The following PLXNA4 variants were observed in gnomAD, a reference collection of about 807,000 sequenced individuals.
PLXNA4 encodes plexin A4, also known as plexin-A4.
In PLXNA4, 44 loss-of-function variants were observed where a neutral mutation model predicts 191.8. The observed-to-expected ratio is 0.23, with a 90% CI of 0.18 to 0.29. The LOEUF (loss-of-function observed/expected upper bound fraction) is 0.29. Ranked by LOEUF, PLXNA4 falls within the 10% of genes least tolerant of loss-of-function variation. The probability of loss-of-function intolerance (pLI) is 1.00; values close to 1 mark genes in which losing one functional copy is unlikely to be tolerated. For missense variants in PLXNA4, 1,800 were observed against 2,488.8 expected (o/e 0.72, Z 5.89); for synonymous variants, 1,082 against 1,009.5 (o/e 1.07, Z -1.36).
At chr7:132,183,817 G>C (rs1048745715) in intron 16 of PLXNA4, among the ~76,000 whole-genome samples, 1 of 152,218 alleles carries the variant, frequency 6.6e-6, no homozygotes, top group Non-Finnish European at 1.5e-5. Flanking sequence ...TGCAGGCAAA[G>C]CCTGTCTTTC....
chr7:132,340,809 C>A (rs1802998899), intron 3 of PLXNA4, among the ~76,000 whole-genome samples: 1 of 152,192 alleles, frequency 6.6e-6, no homozygotes, highest in African/African-American at 2.4e-5. Context: ...TCCTGAGTAG[C>A]TGGGATTACA....
At chr7:132,358,954 G>C (rs1167705878) in intron 3 of PLXNA4, among the ~76,000 whole-genome samples, 1 of 152,144 alleles carries the variant, frequency 6.6e-6, no homozygotes, top group Non-Finnish European at 1.5e-5. Flanking sequence ...GATGCAAGGA[G>C]AATCCACTGA....
chr7:132,603,130 T>A (rs1031674007), intron 2 of PLXNA4, among the ~76,000 whole-genome samples: 1 of 152,328 alleles, frequency 6.6e-6, no homozygotes, highest in Middle Eastern at 3.4e-3. Flanking sequence ...TTTCTATTCT[T>A]CTCATAGCCA....
At chr7:132,461,914 G>A (rs1796521534) in intron 3 of PLXNA4, among the ~76,000 whole-genome samples, 2 of 152,170 alleles carry the variant, frequency 1.3e-5, no homozygotes, top group Admixed American at 1.3e-4. Context: ...GATCTACTAG[G>A]GGACAAATCA....
chr7:132,313,976 G>A (rs527248123), intron 3 of PLXNA4, among the ~76,000 whole-genome samples: 1 of 152,254 alleles, frequency 6.6e-6, no homozygotes, highest in East Asian at 1.9e-4. Flanking sequence ...AGACACTACA[G>A]AGGGCTCACT....
At chr7:132,272,708 T>A (rs1385269469) in intron 4 of PLXNA4, among the ~76,000 whole-genome samples, 1 of 152,192 alleles carries the variant, frequency 6.6e-6, no homozygotes, top group African/African-American at 2.4e-5. Flanking sequence ...ACATTACACT[T>A]CTTATAGCTT....
At chr7:132,494,444 A>G (rs1220097885) in intron 2 of PLXNA4, among the ~76,000 whole-genome samples, 5 of 152,114 alleles carry the variant, frequency 3.3e-5, no homozygotes, top group African/African-American at 9.7e-5. Context: ...ACTGGCCTGG[A>G]TCACCATGGA....
At chr7:132,334,252 C>CTTTCTTTT (rs1554417000) in intron 3 of PLXNA4, among the ~76,000 whole-genome samples, 51 of 75,604 alleles carry the variant, frequency 6.7e-4, no homozygotes, top group African/African-American at 1.6e-3. Context: ...TTCTTTCTTT[C>CTTTCTTTT]TTTTTTTTTT....
chr7:132,474,855 A>G (rs755296189), intron 3 of PLXNA4, among the ~76,000 whole-genome samples: 3 of 152,148 alleles, frequency 2.0e-5, no homozygotes, highest in African/African-American at 2.4e-5. Context: ...GATCCTTGCC[A>G]TCTTCTTAAT....
chr7:132,621,427 A>AT (rs1339215134), intron 2 of PLXNA4, among the ~76,000 whole-genome samples: 7 of 151,714 alleles, frequency 4.6e-5, no homozygotes, highest in Non-Finnish European at 8.8e-5. Context: ...TGCCCAGCTA[A>AT]TTTTTGTATT....
chr7:132,410,706 C>T (rs1293908360), intron 3 of PLXNA4, among the ~76,000 whole-genome samples: 1 of 152,220 alleles, frequency 6.6e-6, no homozygotes, highest in Admixed American at 6.5e-5. Context: ...GCAATCACTC[C>T]CCTCCCCAAG....
chr7:132,143,538 C>CAGAGCATTTTTTTT (rs1196856564), intron 29 of PLXNA4, among the ~76,000 whole-genome samples: 3 of 152,164 alleles, frequency 2.0e-5, no homozygotes, highest in Non-Finnish European at 4.4e-5. Flanking sequence ...AAGTTCTGGG[C>CAGAGCATTTTTTTT]AGAGCATTTT....
In PLXNA4 at chr7:132,146,805, C is replaced by T. The variant is rs114598860; in HGVS notation, c.4865-105G>A. On this transcript the variant is annotated intron_variant, in intron 27 of 31. Coordinates refer to ENST00000321063, the MANE Select transcript of PLXNA4 (RefSeq NM_020911.2). Reference sequence around the variant, plus strand: ...CGGCAGAAGCCAACGACTGTCTGATCATTCCTGCCATTGGTCGGTGCTGTC... The same window carrying T: ...CGGCAGAAGCCAACGACTGTCTGATTATTCCTGCCATTGGTCGGTGCTGTC... 603 of 1,541,396 alleles carry T rather than the reference C, an allele frequency of 3.9e-4. 2 individuals are homozygous for T. The African/African-American group carries it at 7.4e-3, about 19-fold the overall frequency.
At chr7:132,212,385 A>G (rs57496396) in intron 9 of PLXNA4, among the ~76,000 whole-genome samples, 1,697 of 152,264 alleles carry the variant, frequency 0.011, 32 homozygotes, top group African/African-American at 0.038. Flanking sequence ...CCCAGAGCAA[A>G]CATGAGCCAA....
intron 3 of PLXNA4, among the ~76,000 whole-genome samples, chr7:132,459,085 C>T (rs1439059322): frequency 2.6e-5 from 4 of 152,008 alleles, no homozygotes; most frequent in Non-Finnish European, 5.9e-5. Context: ...CTAGGTAAAC[C>T]GTGTGCCTTT....
intron 9 of PLXNA4, among the ~76,000 whole-genome samples, chr7:132,218,214 G>A (rs1798030910): frequency 6.6e-6 from 1 of 152,172 alleles, no homozygotes; most frequent in African/African-American, 2.4e-5. Flanking sequence ...ATTTCATCCT[G>A]GCTCTGAATT....
intron 3 of PLXNA4, among the ~76,000 whole-genome samples, chr7:132,463,911 C>A (rs555704812): frequency 6.6e-6 from 1 of 152,296 alleles, no homozygotes; most frequent in South Asian, 2.1e-4. Flanking sequence ...AGCCACAGAG[C>A]AGAGGCCCAG....
chr7:132,479,684 C>G (rs1797264664), intron 3 of PLXNA4, among the ~76,000 whole-genome samples: 1 of 152,208 alleles, frequency 6.6e-6, no homozygotes, highest in Non-Finnish European at 1.5e-5. Context: ...GGGTCTCACT[C>G]TGTTGCCCAG....
In PLXNA4 at chr7:132,523,384, C is replaced by G. The variant is rs186390701; in HGVS notation, c.-86-14605G>C. 2.9e-3 allele frequency among the ~76,000 whole-genome samples: 434 copies of G among 152,200 alleles called. 3 individuals are homozygous for G. The highest frequency in any genetic ancestry group is 0.014 in the Middle Eastern group (4 of 294). ...AGGGGGACTGAATGGCCAGGGGGAG[C>G]CAGCCATGCAAAGATTTGGGAGAGG... On this transcript the variant is annotated intron_variant, in intron 1 of 31. Coordinates refer to ENST00000321063, the MANE Select transcript of PLXNA4 (RefSeq NM_020911.2).
Sources: allele counts gnomAD v4.1 joint callset (sites outside exome capture counted in the v4.1 genomes callset), GRCh38; gene constraint gnomAD v4.1.1; transcripts MANE v1.5; gene names NCBI Gene and HGNC (gene_info 2026-07-23, HGNC 2026-07-21).